TBC1D9B: variants seen among roughly 807,000 people sequenced by gnomAD.
TBC1D9B encodes the protein TBC1 domain family member 9B.
Under a neutral mutation model 121.1 loss-of-function variants are expected in TBC1D9B, and 87 were observed. The ratio of observed to expected loss-of-function variants is 0.72; its 90% CI spans 0.60 to 0.86. The LOEUF is 0.86. Among genes scored for constraint, TBC1D9B ranks in the 40% least tolerant of loss-of-function variants. The probability of loss-of-function intolerance (pLI) is 0.00; values close to 1 mark genes in which losing one functional copy is unlikely to be tolerated. For missense variants in TBC1D9B, 1,540 were observed against 1,628.6 expected (o/e 0.95, Z 0.94); for synonymous variants, 668 against 670.1 (o/e 1.00, Z 0.05).
At chr5:179,879,540 G>A in intron 8 of TBC1D9B, 88 bp downstream of exon 8, 1 of 1,594,842 alleles carries the variant, frequency 6.3e-7, no homozygotes, top group South Asian at 1.1e-5. Context: ...GGGCCCTGAG[G>A]GAAGGCCCAG....
chr5:179,865,401 G>A lies in TBC1D9B; in HGVS notation c.2915-41C>T, dbSNP rs139506036. On this transcript the variant is annotated intron_variant, in intron 19 of 20. Transcript: ENST00000355235. This position sits in a 1 kb window ranked among gnomAD's most constrained non-coding sequence, Gnocchi z 5.1. ...AAAGAGATTAATCTTTGTCATGTGAGACGGCTGCGGGCTGACAGCAGGGAG... is the reference window on the plus strand; with the variant it reads ...AAAGAGATTAATCTTTGTCATGTGAAACGGCTGCGGGCTGACAGCAGGGAG... 5,820 of 1,583,714 alleles carry A rather than the reference G, an allele frequency of 3.7e-3. 17 individuals are homozygous for A. Among genetic ancestry groups the A allele is most frequent in the Non-Finnish European group, 4.7e-3 (5,423 of 1,152,698 alleles).
At chr5:179,903,767 G>A (rs1257359930) in intron 2 of TBC1D9B, among the ~76,000 whole-genome samples, 3 of 152,152 alleles carry the variant, frequency 2.0e-5, no homozygotes, top group Non-Finnish European at 2.9e-5. Flanking sequence ...GAACAAGAGC[G>A]CTATGCTTGG....
intron 2 of TBC1D9B, among the ~76,000 whole-genome samples, chr5:179,900,774 C>G (rs1173120671): frequency 2.0e-5 from 3 of 152,226 alleles, no homozygotes; most frequent in African/African-American, 7.2e-5. Flanking sequence ...CACGGATCTC[C>G]TTCACAAGGC....
chr5:179,882,940 C>A (rs1281924273), intron 7 of TBC1D9B, among the ~76,000 whole-genome samples: 2 of 152,220 alleles, frequency 1.3e-5, no homozygotes, highest in African/African-American at 2.4e-5. Flanking sequence ...CAACCTCCTT[C>A]TCCCACCTCC....
Position 179,878,493 on chromosome 5 carries a change from C to T in TBC1D9B, c.1598G>A (p.Gly533Glu), listed in dbSNP as rs1760427482. The T allele has an allele frequency of 1.2e-6, 2 of 1,609,582 alleles. No individual in the cohort carries two copies. Among genetic ancestry groups the T allele is most frequent in the Non-Finnish European group, 1.7e-6 (2 of 1,177,998 alleles). The change falls in exon 10 of 21, where the codon GGG becomes GAG. Residue 533 changes from glycine to glutamate, a missense_variant. Coordinates refer to ENST00000355235, the MANE Select transcript of TBC1D9B (RefSeq NM_015043.4). ...GAWNEMVTHP[G>E]YYAELVEKST... ...CTTCTCCACCAGCTCAGCATAGTACCCGGGGTGAGTCACCATCTCATTCCA... is the reference window on the plus strand; with the variant it reads ...CTTCTCCACCAGCTCAGCATAGTACTCGGGGTGAGTCACCATCTCATTCCA...
At chr5:179,882,283 G>T (rs1275653446) in intron 7 of TBC1D9B, among the ~76,000 whole-genome samples, 1 of 152,108 alleles carries the variant, frequency 6.6e-6, no homozygotes, top group Non-Finnish European at 1.5e-5. Context: ...ATTGTACTAT[G>T]TCTCCATCAT....
At chr5:179,879,249 C>T (rs761600812) in intron 8 of TBC1D9B, 52 bp from the exon 9 acceptor site, 25 of 1,569,792 alleles carry the variant, frequency 1.6e-5, no homozygotes, top group East Asian at 9.2e-5. Context: ...ATCTGAGTGC[C>T]GAGGCCTAGG....
chr5:179,878,547 GTC>G (rs758055509), intron 9 of TBC1D9B, 24 bp from the exon 10 acceptor site: 1 of 1,571,826 alleles, frequency 6.4e-7, no homozygotes, highest in East Asian at 2.3e-5. Context: ...GGTGCCAGCT[GTC>G]TCTGTCCTTC....
In TBC1D9B at chr5:179,867,771, C is replaced by T. The variant is rs576249008; in HGVS notation, c.2863+7G>A. On this transcript the variant is annotated splice_region_variant and intron_variant, in intron 18 of 20. Transcript: ENST00000355235. ...TGGGCATGTCGGGTGTTCCAGTGGC[C>T]GCTCACCTTCTGAGGAGCTGTCCTC... 1.5e-5 allele frequency: 23 copies of T among 1,584,700 alleles called. No homozygotes were observed. In the African/African-American group the frequency reaches 1.6e-4, roughly 11 times the overall value.
intron 8 of TBC1D9B, 32 bp downstream of exon 8, chr5:179,879,596 C>A (rs535445266): frequency 8.7e-6 from 14 of 1,613,220 alleles, no homozygotes; most frequent in Non-Finnish European, 1.2e-5. Context: ...CCGCTCTTGA[C>A]GGAGGCTGGA....
intron 6 of TBC1D9B, among the ~76,000 whole-genome samples, chr5:179,889,681 G>C (rs1760802678): frequency 6.6e-6 from 1 of 151,952 alleles, no homozygotes; most frequent in Non-Finnish European, 1.5e-5. Flanking sequence ...AGACCAGCCT[G>C]GGCAACATGA....
chr5:179,893,291 GC>G lies in TBC1D9B; in HGVS notation c.753del (p.Gln251HisfsTer27). The G allele has an allele frequency of 1.2e-6, 2 of 1,614,016 alleles. No individual in the cohort carries two copies. Among genetic ancestry groups the G allele is most frequent in the Non-Finnish European group, 1.7e-6 (2 of 1,180,038 alleles). On this transcript the variant is annotated frameshift_variant, in exon 5 of 21. Coordinates refer to ENST00000355235, the MANE Select transcript of TBC1D9B (RefSeq NM_015043.4). LOFTEE classifies it high-confidence loss of function. The stretch of plus-strand genomic sequence containing the variant: ...TCCAGGAAGCCCTCGCTGTCCAGCA[GC>G]TGCCGCATGGCCAGGTTGGCCAACT... ...MEQLANLAMR[Q>X]LLDSEGFLED...
chr5:179,863,121 G>T lies in TBC1D9B; in HGVS notation c.*327C>A, dbSNP rs1759894170. On this transcript the variant is annotated 3_prime_UTR_variant, in exon 21 of 21. Coordinates refer to ENST00000355235, the MANE Select transcript of TBC1D9B (RefSeq NM_015043.4). This position sits in a 1 kb window ranked among gnomAD's most constrained non-coding sequence, Gnocchi z 4.5. The stretch of plus-strand genomic sequence containing the variant: ...CCTGGCCGCAGTGTGGAGCACAGAG[G>T]TATGAGGCAAGCAAGGGCAGATCTG... The T allele has an allele frequency of 1.1e-5, 4 of 352,944 alleles. No homozygotes were observed. Among genetic ancestry groups the T allele is most frequent in the Non-Finnish European group, 2.1e-5 (4 of 190,372 alleles). The allele number at this position is 352,944 out of a possible 1,614,324, so 21.9% of individuals were successfully genotyped here. A position where few individuals can be genotyped will look rare whatever the true frequency, so the allele number is the denominator to read the frequency against.
chr5:179,904,630 A>G lies in TBC1D9B; in HGVS notation c.229+72T>C, dbSNP rs1582109743. ...TACCACCCAGACACGTGGGCTACAC[A>G]CCCCTTCCTCTCGGCAACGGCCCTT... On this transcript the variant is annotated intron_variant, in intron 2 of 20. Coordinates refer to ENST00000355235, the MANE Select transcript of TBC1D9B (RefSeq NM_015043.4). The surrounding 1 kb of genome is among the most constrained non-coding windows in gnomAD (Gnocchi z 4.2). 2 of 1,326,854 alleles carry G rather than the reference A, an allele frequency of 1.5e-6. No homozygotes were observed. Among genetic ancestry groups the G allele is most frequent in the South Asian group, 1.3e-5 (1 of 78,814 alleles). 82.2% of individuals were successfully genotyped at this position (1,326,854 alleles called of 1,614,324 possible). A position where few individuals can be genotyped will look rare whatever the true frequency, so the allele number is the denominator to read the frequency against.
rs1759939753 is a variant in TBC1D9B, at chr5:179,864,246, T to A, written c.3022-118A>T. ...AGGATGTTGGCTGCCGTCTTGCTAA[T>A]CATCTCCATGAGCCTCATCAGTCCC... On this transcript the variant is annotated intron_variant, in intron 20 of 20. Coordinates refer to ENST00000355235, the MANE Select transcript of TBC1D9B (RefSeq NM_015043.4). The A allele has an allele frequency of 1.9e-5, 19 of 1,023,692 alleles. 1 individual carries two copies. In the South Asian group the frequency reaches 3.2e-4, roughly 17 times the overall value. The allele number at this position is 1,023,692 out of a possible 1,614,324, so 63.4% of individuals were successfully genotyped here.
intron 7 of TBC1D9B, among the ~76,000 whole-genome samples, chr5:179,882,827 C>T (rs891072233): frequency 6.6e-6 from 1 of 152,138 alleles, no homozygotes; most frequent in Non-Finnish European, 1.5e-5. Flanking sequence ...CCAGGAGACA[C>T]CCTCCCCAAC....
At chr5:179,864,921 T>C (rs1182480946) in intron 20 of TBC1D9B, among the ~76,000 whole-genome samples, 2 of 152,086 alleles carry the variant, frequency 1.3e-5, no homozygotes, top group Admixed American at 1.3e-4. Context: ...GGAGGATGCA[T>C]GTGAGCCTGC....
chr5:179,870,523 C>A (rs750283556), intron 15 of TBC1D9B, 28 bp from the exon 16 acceptor site: 3 of 1,587,592 alleles, frequency 1.9e-6, no homozygotes, highest in African/African-American at 1.3e-5. Context: ...GTGAGACGGT[C>A]CAGCCGCTAA....
rs79293303 is a variant in TBC1D9B, at chr5:179,865,315, A to G, written c.2960T>C (p.Met987Thr). 755 of 1,614,074 alleles carry G rather than the reference A, an allele frequency of 4.7e-4. 8 individuals are homozygous for G. The African/African-American group carries it at 9.5e-3, about 20-fold the overall frequency. Residue 987 changes from methionine to threonine, a missense_variant, in exon 20 of 21, where the codon ATG (methionine) becomes ACG (threonine). Physicochemically the swap from Met to Thr is moderately conservative, Grantham distance 81. Coordinates refer to ENST00000355235, the MANE Select transcript of TBC1D9B (RefSeq NM_015043.4). The surrounding 1 kb of genome is among the most constrained non-coding windows in gnomAD (Gnocchi z 5.1). ...SSPDYRHYLR[M>T]WAKEKEAQKE... The stretch of plus-strand genomic sequence containing the variant: ...CTGAGCCTCTTTCTCCTTGGCCCAC[A>G]TTCGAAGGTAGTGCCGATAGTCCGG...
Sources: gnomAD v4.1 joint callset for allele counts (sites outside exome capture counted in the v4.1 genomes callset) on GRCh38, gnomAD v4.1.1 for gene constraint, Gnocchi (gnomAD v3.1) non-coding constraint, MANE v1.5 for transcripts, NCBI Gene and HGNC (gene_info 2026-07-23, HGNC 2026-07-21) for gene names.